The following PCBP3 variants were observed in gnomAD, a reference collection of about 807,000 sequenced individuals.
PCBP3 encodes the protein poly(rC) binding protein 3, also known as poly(rC)-binding protein 3.
In PCBP3, 25 loss-of-function variants were observed where a neutral mutation model predicts 52.7. The observed-to-expected ratio is 0.47, with a 90% CI of 0.35 to 0.66. The LOEUF (loss-of-function observed/expected upper bound fraction) is 0.66. Ranked by LOEUF, PCBP3 falls within the 30% of genes least tolerant of loss-of-function variation. PCBP3 has a pLI of 0.01. For synonymous variants in PCBP3, 162 were observed against 183.0 expected, an observed-to-expected ratio of 0.89 and a Z score of 0.93; for missense variants, 391 against 490.3, an observed-to-expected ratio of 0.80 and a Z score of 1.91.
rs554018830 is a variant in PCBP3 at position 45,696,028 on chromosome 21, G to A, written c.-200+27076G>A. ...CAGGAGGCGGAGGTTGCAGTGAGCC[G>A]AGATCGCGCCACTGCACTCCAGCCT... On this transcript the variant is annotated intron_variant, in intron 2 of 17. Transcript: ENST00000681687. Among the ~76,000 whole-genome samples the A allele has an allele frequency of 1.2e-3, 159 of 133,864 alleles. 1 individual carries two copies. The highest frequency in any genetic ancestry group is 4.7e-3 in the Middle Eastern group (1 of 212). 87.8% of individuals were successfully genotyped at this position (133,864 alleles called of 152,430 possible). A position where few individuals can be genotyped will look rare whatever the true frequency, so the allele number is the denominator to read the frequency against.
Position 45,835,772 on chromosome 21 carries a change from C to G in PCBP3, c.-125-14189C>G, listed in dbSNP as rs572559318. Among the ~76,000 whole-genome samples the G allele has an allele frequency of 1.8e-4, 27 of 152,260 alleles. No individual in the cohort carries two copies. The South Asian group carries it at 4.6e-3, about 26-fold the overall frequency. ...TTTTCATCCAGGCCACACCTGCCAG[C>G]TTGGGCCAGGGACAGGCAGACCCTG... is the stretch of plus-strand genomic sequence containing the variant. On this transcript the variant is annotated intron_variant, in intron 4 of 17. Coordinates refer to ENST00000681687, the MANE Select transcript of PCBP3 (RefSeq NM_001384156.1).
At position 45,824,790 on chromosome 21, in the gene PCBP3, C is replaced by G. The variant is rs75790607; in HGVS notation, c.-125-25171C>G. On this transcript the variant is annotated intron_variant, in intron 4 of 17. Coordinates refer to ENST00000681687, the MANE Select transcript of PCBP3 (RefSeq NM_001384156.1). ...CCACCCGGATTCACCCGCTGCTTTG[C>G]TGGCTGATGTCTACAAGGACATAGA... 3.3e-5 allele frequency among the ~76,000 whole-genome samples: 5 copies of G among 152,362 alleles called. No homozygotes were observed. In the East Asian group the frequency reaches 9.7e-4, roughly 29 times the overall value.
chr21:45,668,960 A>G lies in PCBP3; in HGVS notation c.-200+8A>G, dbSNP rs899297615. ...AACTGCTATCCTCTGGAGGTAATCT[A>G]TTGCCATAAAGGATTTTCCAATTAT... On this transcript the variant is annotated splice_region_variant and intron_variant, in intron 2 of 17. Transcript: ENST00000681687. The G allele has an allele frequency of 3.9e-5, 6 of 152,050 alleles. No homozygotes were observed. Among genetic ancestry groups the G allele is most frequent in the East Asian group, 3.9e-4 (2 of 5,182 alleles). 9.4% of individuals were successfully genotyped at this position (152,050 alleles called of 1,614,324 possible). A position where few individuals can be genotyped will look rare whatever the true frequency, so the allele number is the denominator to read the frequency against.
chr21:45,651,309 T>G (rs2146834861), intron 1 of PCBP3, among the ~76,000 whole-genome samples: 1 of 152,334 alleles, frequency 6.6e-6, no homozygotes, highest in African/African-American at 2.4e-5. Context: ...ATTTATTTTC[T>G]TTTATACAAC....
At chr21:45,819,246 G>T (rs1031092091) in intron 4 of PCBP3, among the ~76,000 whole-genome samples, 1 of 152,096 alleles carries the variant, frequency 6.6e-6, no homozygotes, top group Non-Finnish European at 1.5e-5. Flanking sequence ...TGGGGGATGG[G>T]GGTATATAGG....
intron 4 of PCBP3, among the ~76,000 whole-genome samples, chr21:45,820,980 G>A (rs2093117588): frequency 6.6e-6 from 1 of 152,164 alleles, no homozygotes; most frequent in Non-Finnish European, 1.5e-5. Context: ...CTGTGTCTGA[G>A]GAGTGCGTTC....
intron 4 of PCBP3, among the ~76,000 whole-genome samples, chr21:45,801,313 T>C (rs1490465278): frequency 6.6e-6 from 1 of 152,216 alleles, no homozygotes; most frequent in East Asian, 1.9e-4. Context: ...GGCCAGTCTG[T>C]CTGAGTCCTG....
intron 4 of PCBP3, among the ~76,000 whole-genome samples, chr21:45,771,495 TAAC>T (rs1242043878): frequency 6.6e-5 from 10 of 152,204 alleles, no homozygotes; most frequent in Non-Finnish European, 1.2e-4. Context: ...TTCACCGTCT[TAAC>T]AAACTAAAAA....
chr21:45,657,100 T>A (rs1235180609), intron 1 of PCBP3, among the ~76,000 whole-genome samples: 1 of 152,158 alleles, frequency 6.6e-6, no homozygotes, highest in East Asian at 1.9e-4. Context: ...GGATTACAGG[T>A]GTGAACTACC....
At chr21:45,691,977 G>A (rs2082509603) in intron 2 of PCBP3, among the ~76,000 whole-genome samples, 1 of 152,098 alleles carries the variant, frequency 6.6e-6, no homozygotes, top group African/African-American at 2.4e-5. Flanking sequence ...GGTGTCTAGG[G>A]GATAGAGTCA....
chr21:45,820,730 A>G (rs1174052684), intron 4 of PCBP3, among the ~76,000 whole-genome samples: 3 of 152,158 alleles, frequency 2.0e-5, no homozygotes, highest in Non-Finnish European at 4.4e-5. Context: ...GGGGATGACC[A>G]TGGACCTCTG....
intron 2 of PCBP3, among the ~76,000 whole-genome samples, chr21:45,688,465 C>G (rs1226104103): frequency 6.6e-6 from 1 of 152,148 alleles, no homozygotes; most frequent in Non-Finnish European, 1.5e-5. Flanking sequence ...ATGTGAGATA[C>G]AGCTAAGGCA....
chr21:45,728,872 G>GTATT (rs1349349866), intron 2 of PCBP3: 1 of 152,026 alleles, frequency 6.6e-6, no homozygotes, highest in Admixed American at 6.6e-5. Flanking sequence ...TCCGCTTATT[G>GTATT]TATTTATTTA....
At chr21:45,842,625 G>T (rs1335852157) in intron 4 of PCBP3, among the ~76,000 whole-genome samples, 1 of 152,172 alleles carries the variant, frequency 6.6e-6, no homozygotes, top group Non-Finnish European at 1.5e-5. Flanking sequence ...TTGTGTCCTG[G>T]AAGTATAGGT....
chr21:45,644,232 CTT>C (rs2079103978), intron 1 of PCBP3, among the ~76,000 whole-genome samples: 1 of 151,654 alleles, frequency 6.6e-6, no homozygotes, highest in Admixed American at 6.6e-5. Context: ...AATTTCATCT[CTT>C]GATTGAGAAG....
rs973668310 is a variant in PCBP3 at position 45,704,858 on chromosome 21, G to T, written c.-199-30534G>T. On this transcript the variant is annotated intron_variant, in intron 2 of 17. Coordinates refer to ENST00000681687, the MANE Select transcript of PCBP3 (RefSeq NM_001384156.1). The surrounding 1 kb of genome is among the most constrained non-coding windows in gnomAD (Gnocchi z 4.1). ...ATACAGTGCAGGTAGACGACACAGG[G>T]CGCTGCTGTCTGCTGAATACATGAT... Among the ~76,000 whole-genome samples the T allele has an allele frequency of 6.6e-6, 1 of 152,190 alleles. No homozygotes were observed. The highest frequency in any genetic ancestry group is 1.5e-5 in the Non-Finnish European group (1 of 68,026).
chr21:45,940,253 G>A (rs563810653), intron 17 of PCBP3, 54 bp downstream of exon 17: 21 of 1,515,698 alleles, frequency 1.4e-5, no homozygotes, highest in Middle Eastern at 4.6e-4. Context: ...CGCGCCAGCC[G>A]GCGTTACATC....
chr21:45,909,203 C>CCCTGG, intron 9 of PCBP3, 152 bp from the exon 10 acceptor site: 1 of 772,788 alleles, frequency 1.3e-6, no homozygotes, highest in Admixed American at 2.4e-5. Flanking sequence ...TCCTGGTCCT[C>CCCTGG]CCTGGCCTGG....
chr21:45,874,307 T>C (rs882669), intron 5 of PCBP3, among the ~76,000 whole-genome samples: 96,266 of 152,102 alleles, frequency 0.63, 31,032 homozygotes, highest in East Asian at 0.84. Context: ...TAGATCAAAA[T>C]TGGGAGAATT....
Sources: allele counts gnomAD v4.1 joint callset (sites outside exome capture counted in the v4.1 genomes callset), GRCh38; gene constraint gnomAD v4.1.1; non-coding constraint Gnocchi (gnomAD v3.1); transcripts MANE v1.5; gene names NCBI Gene and HGNC (gene_info 2026-07-23, HGNC 2026-07-21).